The following TATDN1 variants were observed in gnomAD, a reference collection of about 807,000 sequenced individuals.
The protein encoded by TATDN1 is deoxyribonuclease TATDN1.
TATDN1 carries 40 observed loss-of-function variants against 46.4 expected under a neutral mutation model. The observed-to-expected ratio is 0.86, with a 90% CI of 0.67 to 1.12. The LOEUF is 1.12. Ranked by LOEUF, TATDN1 falls within the 50% of genes most tolerant of loss-of-function variation. The probability of loss-of-function intolerance (pLI) is 0.00; values close to 1 mark genes in which losing one functional copy is unlikely to be tolerated. For missense variants in TATDN1, 326 were observed against 348.4 expected (o/e 0.94, Z 0.51); for synonymous variants, 95 against 105.6 (o/e 0.90, Z 0.62).
intron 9 of TATDN1, among the ~76,000 whole-genome samples, chr8:124,496,749 A>G (rs980270132): frequency 2.0e-5 from 3 of 152,160 alleles, no homozygotes; most frequent in Non-Finnish European, 4.4e-5. Context: ...CTTATGTAGC[A>G]TTTTTAATTT....
chr8:124,534,345 G>GT (rs768022559), intron 1 of TATDN1, among the ~76,000 whole-genome samples: 13 of 152,014 alleles, frequency 8.6e-5, no homozygotes, highest in Non-Finnish European at 1.8e-4. Flanking sequence ...TTCAGTGACC[G>GT]TAAGTTTTAC....
chr8:124,513,207 C>CTGG (rs1313180422), intron 6 of TATDN1, among the ~76,000 whole-genome samples: 1 of 152,044 alleles, frequency 6.6e-6, no homozygotes, highest in African/African-American at 2.4e-5. Flanking sequence ...ACCACCGCAC[C>CTGG]CGGCTGTTTT....
intron 9 of TATDN1, among the ~76,000 whole-genome samples, chr8:124,502,027 A>G (rs1041611725): frequency 1.1e-4 from 16 of 152,192 alleles, no homozygotes; most frequent in Admixed American, 1.0e-3. Flanking sequence ...AATTTTATTC[A>G]AGAGAACTAT....
chr8:124,499,274 C>T (rs867880786), intron 9 of TATDN1, among the ~76,000 whole-genome samples: 2 of 152,068 alleles, frequency 1.3e-5, no homozygotes, highest in Non-Finnish European at 1.5e-5. Context: ...TTGGTCAATA[C>T]AGTTATTTTC....
intron 11 of TATDN1, chr8:124,489,027 G>A (rs1816676815): frequency 2.4e-5 from 7 of 287,452 alleles, no homozygotes; most frequent in Non-Finnish European, 3.9e-5. Flanking sequence ...ATGTTCATTA[G>A]TGGGTCATGA....
chr8:124,489,403 C>CTTTTTTTTTTTTTTTT (rs11443180), intron 11 of TATDN1: 3 of 146,844 alleles, frequency 2.0e-5, no homozygotes, highest in South Asian at 2.1e-4. Flanking sequence ...TCTTTCCTTT[C>CTTTTTTTTTTTTTTTT]TTTTTTTTTT....
At chr8:124,515,450 A>C (rs568117246) in intron 6 of TATDN1, among the ~76,000 whole-genome samples, 2 of 152,336 alleles carry the variant, frequency 1.3e-5, no homozygotes, top group African/African-American at 4.8e-5. Flanking sequence ...TCACGTATGA[A>C]TGCGTCTGTT....
chr8:124,496,680 T>G (rs1817494108), intron 9 of TATDN1, among the ~76,000 whole-genome samples: 1 of 152,232 alleles, frequency 6.6e-6, no homozygotes, highest in Non-Finnish European at 1.5e-5. Context: ...CTGAATAATA[T>G]TCCACTGGAC....
rs1820174711 is a variant in TATDN1 at position 124,522,912 on chromosome 8, T to A, written c.88+25A>T. On this transcript the variant is annotated intron_variant, in intron 2 of 11. Coordinates refer to ENST00000276692, the MANE Select transcript of TATDN1 (RefSeq NM_032026.4). The stretch of plus-strand genomic sequence containing the variant: ...AAAATTTGTCTTCATAGGAAACTAT[T>A]CGCCTTAATAAAGGAAATATTTACC... 8 of 1,598,152 alleles carry A rather than the reference T, an allele frequency of 5.0e-6. No homozygotes were observed. In the East Asian group the frequency reaches 1.8e-4, roughly 36 times the overall value.
chr8:124,492,482 A>G (rs1435047490), intron 11 of TATDN1, among the ~76,000 whole-genome samples: 1 of 152,102 alleles, frequency 6.6e-6, no homozygotes, highest in Non-Finnish European at 1.5e-5. Context: ...TTAGTTCCCC[A>G]AAAAATTGGC....
intron 10 of TATDN1, chr8:124,494,698 C>T (rs756810804): frequency 6.6e-6 from 1 of 151,334 alleles, no homozygotes; most frequent in African/African-American, 2.4e-5. Flanking sequence ...GCAAGTGCCA[C>T]CACCACACCC....
At chr8:124,504,372 A>T (rs1818223851) in intron 8 of TATDN1, 25 bp from the exon 9 acceptor site, 1 of 1,446,358 alleles carries the variant, frequency 6.9e-7, no homozygotes, top group Non-Finnish European at 9.3e-7. Context: ...GTATAAGTTT[A>T]TTATTATAAT....
intron 9 of TATDN1, among the ~76,000 whole-genome samples, chr8:124,497,354 C>T (rs184795740): frequency 2.6e-5 from 4 of 151,518 alleles, no homozygotes; most frequent in East Asian, 1.9e-4. Context: ...GGCAAAATCC[C>T]GGCGAGCTGC....
At chr8:124,522,808 G>T in intron 2 of TATDN1, 129 bp downstream of exon 2, 2 of 783,220 alleles carry the variant, frequency 2.6e-6, no homozygotes, top group South Asian at 1.4e-5. Flanking sequence ...TCCTGCCTCA[G>T]ACTCCCAAAG....
At chr8:124,522,279 C>T in intron 2 of TATDN1, 79 bp from the exon 3 acceptor site, 2 of 817,418 alleles carry the variant, frequency 2.4e-6, no homozygotes, top group South Asian at 1.5e-5. Flanking sequence ...GTGCAAATGG[C>T]TATTTGAAGT....
chr8:124,529,527 T>G (rs1481808423), intron 1 of TATDN1, among the ~76,000 whole-genome samples: 1 of 152,176 alleles, frequency 6.6e-6, no homozygotes, highest in Non-Finnish European at 1.5e-5. Flanking sequence ...CCCAAAGCTG[T>G]GCAGGTGGAT....
At chr8:124,507,804 A>C (rs907839431) in intron 8 of TATDN1, among the ~76,000 whole-genome samples, 60 of 151,986 alleles carry the variant, frequency 3.9e-4, no homozygotes, top group African/African-American at 1.4e-3. Context: ...AAAAAACAAA[A>C]AACACACACA....
chr8:124,532,826 C>T (rs1821085138), intron 1 of TATDN1, among the ~76,000 whole-genome samples: 2 of 152,176 alleles, frequency 1.3e-5, no homozygotes, highest in South Asian at 4.1e-4. Context: ...ACATAGGCTG[C>T]ATAATGGAAG....
intron 8 of TATDN1, among the ~76,000 whole-genome samples, chr8:124,505,632 T>C (rs952835072): frequency 1.3e-5 from 2 of 151,174 alleles, no homozygotes; most frequent in South Asian, 2.1e-4. Flanking sequence ...TTCAAAGATA[T>C]AGGGGTCAAG....
Sources: gnomAD v4.1 joint callset for allele counts (sites outside exome capture counted in the v4.1 genomes callset) on GRCh38, gnomAD v4.1.1 for gene constraint, MANE v1.5 for transcripts, NCBI Gene and HGNC (gene_info 2026-07-23, HGNC 2026-07-21) for gene names.